Variants in VPS53 observed in about 807,000 individuals in gnomAD.
The protein encoded by VPS53 is VPS53 subunit of GARP complex, also known as vacuolar protein sorting-associated protein 53 homolog.
Under a neutral mutation model 107.0 loss-of-function variants are expected in VPS53, and 70 were observed. The ratio of observed to expected loss-of-function variants is 0.65; its 90% CI spans 0.54 to 0.80. The LOEUF (loss-of-function observed/expected upper bound fraction) is 0.80. Ranked by LOEUF, VPS53 falls within the 30% of genes least tolerant of loss-of-function variation. The probability of loss-of-function intolerance (pLI) is 0.00; values close to 1 mark genes in which losing one functional copy is unlikely to be tolerated. For missense variants in VPS53, 917 were observed against 1,049.4 expected (o/e 0.87, Z 1.74); for synonymous variants, 409 against 393.3 (o/e 1.04, Z -0.47).
chr17:558,262 T>C (rs1421220093), intron 15 of VPS53, among the ~76,000 whole-genome samples: 1 of 152,158 alleles, frequency 6.6e-6, no homozygotes, highest in African/African-American at 2.4e-5. Flanking sequence ...GGTCAGGAGA[T>C]TGAGACCATC....
intron 12 of VPS53, among the ~76,000 whole-genome samples, chr17:588,300 G>A (rs1967436827): frequency 6.6e-6 from 1 of 151,956 alleles, no homozygotes; most frequent in South Asian, 2.1e-4. Flanking sequence ...CCTGGCGACA[G>A]AGTGAGACTC....
intron 11 of VPS53, among the ~76,000 whole-genome samples, chr17:614,483 C>T (rs776806751): frequency 5.9e-5 from 9 of 152,160 alleles, no homozygotes; most frequent in Non-Finnish European, 1.2e-4. Flanking sequence ...AGAAGTTAAT[C>T]GTCCCTTGCA....
intron 4 of VPS53, chr17:685,147 G>C (rs932565128): frequency 2.0e-5 from 3 of 152,178 alleles, no homozygotes; most frequent in Non-Finnish European, 4.4e-5. Context: ...CTGGAGTGGA[G>C]AAAGCGGGCA....
chr17:628,498 G>T (rs1263791515), intron 8 of VPS53, among the ~76,000 whole-genome samples: 1 of 152,190 alleles, frequency 6.6e-6, no homozygotes, highest in Middle Eastern at 3.2e-3. Context: ...ATGATCACGG[G>T]AAATTTGACT....
intron 7 of VPS53, among the ~76,000 whole-genome samples, chr17:638,758 G>A (rs1215534100): frequency 1.3e-5 from 2 of 152,178 alleles, no homozygotes; most frequent in Non-Finnish European, 2.9e-5. Context: ...CTCTCTTCTG[G>A]CTTATAGAGT....
chr17:612,955 TCA>T (rs1292919870), intron 11 of VPS53, among the ~76,000 whole-genome samples: 2 of 147,186 alleles, frequency 1.4e-5, no homozygotes, highest in African/African-American at 2.6e-5. Context: ...AATAGTGAAT[TCA>T]CACAGTGAAA....
At chr17:545,509 T>C (rs1911111665) in intron 17 of VPS53, among the ~76,000 whole-genome samples, 2 of 152,232 alleles carry the variant, frequency 1.3e-5, no homozygotes, top group Non-Finnish European at 2.9e-5. Flanking sequence ...CACAAAGTTG[T>C]CCAAGTTTCC....
intron 5 of VPS53, among the ~76,000 whole-genome samples, chr17:659,460 T>C (rs1254556647): frequency 8.5e-5 from 13 of 152,154 alleles, no homozygotes. Flanking sequence ...TTTGTATTTT[T>C]AGTAGAGACA....
rs1253834244 is a variant in VPS53, at chr17:519,696, G to T, written c.2328+130C>A. ...CTCCTCCAGAGGCTTCTCTGAATCC[G>T]GTTTGCTCTGTGGAGCCAGGCACAT... On this transcript the variant is annotated intron_variant, in intron 21 of 21. Transcript: ENST00000437048. The surrounding 1 kb of genome is among the most constrained non-coding windows in gnomAD (Gnocchi z 5.0). 2.7e-6 allele frequency: 2 copies of T among 728,998 alleles called. No individual in the cohort carries two copies. The highest frequency in any genetic ancestry group is 4.7e-6 in the Non-Finnish European group (2 of 428,722). 45.2% of individuals were successfully genotyped at this position (728,998 alleles called of 1,614,324 possible). A position where few individuals can be genotyped will look rare whatever the true frequency, so the allele number is the denominator to read the frequency against.
rs755993639 is a variant in VPS53, at chr17:512,697, CCT to C, written c.*6429_*6430del. ...ATGGAAGGGCCGCAGCCAGTTTTCC[CCT>C]GTTGAAAGGACACAGGACTTCCCGA... On this transcript the variant is annotated 3_prime_UTR_variant, in exon 22 of 22. Transcript: ENST00000437048. 5 of 152,218 alleles carry C rather than the reference CCT, an allele frequency of 3.3e-5. No individual in the cohort carries two copies. Among genetic ancestry groups the C allele is most frequent in the African/African-American group, 4.8e-5 (2 of 41,444 alleles). The allele number at this position is 152,218 out of a possible 1,614,324, so 9.4% of individuals were successfully genotyped here. A position where few individuals can be genotyped will look rare whatever the true frequency, so the allele number is the denominator to read the frequency against.
chr17:555,352 C>T (rs531322784), intron 15 of VPS53, among the ~76,000 whole-genome samples: 2 of 152,304 alleles, frequency 1.3e-5, no homozygotes, highest in Admixed American at 6.5e-5. Flanking sequence ...CTTGCTTTGC[C>T]GCACCCCCAC....
intron 11 of VPS53, among the ~76,000 whole-genome samples, chr17:614,568 G>A (rs1255011950): frequency 6.6e-6 from 1 of 152,176 alleles, no homozygotes; most frequent in Non-Finnish European, 1.5e-5. Context: ...ACGCTGAAGG[G>A]AGTGCATGAG....
Position 565,810 on chromosome 17 carries a change from T to A in VPS53, c.1314-3065A>T, listed in dbSNP as rs746820716. On this transcript the variant is annotated intron_variant, in intron 13 of 21. Transcript: ENST00000437048. ...CCACCTGTCCACTCCCCTTTCAAGCTCATCCAGGTCTCACCCGCAGCAGCT... is the reference window on the plus strand; with the variant it reads ...CCACCTGTCCACTCCCCTTTCAAGCACATCCAGGTCTCACCCGCAGCAGCT... Among the ~76,000 whole-genome samples, 326 of 152,144 alleles carry A rather than the reference T, an allele frequency of 2.1e-3. 5 individuals are homozygous for A. Among genetic ancestry groups the A allele is most frequent in the Non-Finnish European group, 3.7e-3 (253 of 68,022 alleles).
At chr17:639,316 G>A (rs555311910) in intron 7 of VPS53, among the ~76,000 whole-genome samples, 6 of 152,230 alleles carry the variant, frequency 3.9e-5, no homozygotes, top group East Asian at 3.9e-4. Flanking sequence ...TTAGCCATTC[G>A]TCTAATCTTT....
intron 5 of VPS53, among the ~76,000 whole-genome samples, chr17:659,314 C>T (rs772245812): frequency 1.3e-5 from 2 of 152,044 alleles, no homozygotes; most frequent in African/African-American, 2.4e-5. Flanking sequence ...GATAGAGTTT[C>T]GCTCTGTCGC....
rs372421025 is a variant in VPS53, at chr17:521,555, A to G, written c.2223+46T>C. On this transcript the variant is annotated intron_variant, in intron 20 of 21. Coordinates refer to ENST00000437048, the MANE Select transcript of VPS53 (RefSeq NM_001128159.3). ...CTTTCAAAACCAAGGCTTCTCAGAA[A>G]AAGAGATTAAATAAATAACTGGCCC... 4.7e-6 allele frequency: 7 copies of G among 1,488,218 alleles called. No individual in the cohort carries two copies. The African/African-American group carries it at 5.6e-5, about 12-fold the overall frequency. The allele number at this position is 1,488,218 out of a possible 1,614,324, so 92.2% of individuals were successfully genotyped here. A position where few individuals can be genotyped will look rare whatever the true frequency, so the allele number is the denominator to read the frequency against.
chr17:606,043 G>C (rs2143010319), intron 11 of VPS53, among the ~76,000 whole-genome samples: 1 of 152,222 alleles, frequency 6.6e-6, no homozygotes, highest in East Asian at 1.9e-4. Context: ...GGGCTGATGG[G>C]AACCGGACTA....
chr17:613,559 T>C (rs1173810848), intron 11 of VPS53, among the ~76,000 whole-genome samples: 11 of 146,110 alleles, frequency 7.5e-5, no homozygotes, highest in South Asian at 2.2e-4. Flanking sequence ...TGTACAGATA[T>C]TCACAGCAGT....
intron 15 of VPS53, among the ~76,000 whole-genome samples, chr17:559,227 T>C (rs1016519167): frequency 5.3e-5 from 8 of 152,130 alleles, no homozygotes. Flanking sequence ...ATTGAAAAAA[T>C]ACCCCAAATT....
Sources: allele counts gnomAD v4.1 joint callset (sites outside exome capture counted in the v4.1 genomes callset), GRCh38; gene constraint gnomAD v4.1.1; non-coding constraint Gnocchi (gnomAD v3.1); transcripts MANE v1.5; gene names NCBI Gene and HGNC (gene_info 2026-07-23, HGNC 2026-07-21).